The following IQGAP2 variants were observed in gnomAD, a reference collection of about 807,000 sequenced individuals.
The protein encoded by IQGAP2 is ras GTPase-activating-like protein IQGAP2.
In IQGAP2, 173 loss-of-function variants were observed where a neutral mutation model predicts 201.3. The ratio of observed to expected loss-of-function variants is 0.86; its 90% CI spans 0.76 to 0.98. The LOEUF (loss-of-function observed/expected upper bound fraction) is 0.98, where lower values mean the gene tolerates loss of function less well. IQGAP2 is among the 50% of genes least tolerant of loss of function. The pLI is 0.00. For missense variants in IQGAP2, 1,687 were observed against 1,864.8 expected (o/e 0.90, Z 1.76); for synonymous variants, 675 against 673.9 (o/e 1.00, Z -0.03).
At chr5:76,534,858 A>G (rs1759525735) in intron 2 of IQGAP2, among the ~76,000 whole-genome samples, 1 of 152,230 alleles carries the variant, frequency 6.6e-6, no homozygotes, top group Non-Finnish European at 1.5e-5. Flanking sequence ...GAGTCTTTTA[A>G]ACCCTCTTGT....
chr5:76,637,054 C>T lies in IQGAP2; in HGVS notation c.1801C>T (p.Leu601Phe), dbSNP rs775492069. 3.7e-6 allele frequency: 6 copies of T among 1,609,140 alleles called. No homozygotes were observed. In the East Asian group the frequency reaches 1.3e-4, roughly 36 times the overall value. ...SERVSSDGSWLKLNLHKKYDY... is the reference protein window; with the variant it reads ...SERVSSDGSWFKLNLHKKYDY... ...TTTAGTGTCTAGTGACGGTTCATGG[C>T]TCAAACTCAACCTGCACAAAAAATA... The change falls in exon 16 of 36, where the codon CTC (leucine) becomes TTC (phenylalanine). Residue 601 changes from leucine to phenylalanine, a missense_variant. Leu to Phe is a conservative substitution (Grantham distance 22). Transcript: ENST00000274364.
In IQGAP2 at chr5:76,611,100, A is replaced by G. The variant is rs1561507704; in HGVS notation, c.1438A>G (p.Thr480Ala). The G allele has an allele frequency of 4.3e-6, 7 of 1,613,930 alleles. No individual in the cohort carries two copies. In the South Asian group the frequency reaches 6.6e-5, roughly 15 times the overall value. Residue 480 changes from threonine (T) to alanine (A), a missense_variant, in exon 13 of 36, where the codon ACT becomes GCT. By Grantham distance (58) the Thr-to-Ala change is moderately conservative (BLOSUM62 0). Coordinates refer to ENST00000274364, the MANE Select transcript of IQGAP2 (RefSeq NM_006633.5). ...GACTTTAGAAACTTTGCTCCTACCT[A>G]CTGCGAATATTAGTGATGTGGACCC... ...LRTLETLLLPTANISDVDPAH... is the reference protein window; with the variant it reads ...LRTLETLLLPAANISDVDPAH...
intron 12 of IQGAP2, chr5:76,606,947 A>G (rs1747852173): frequency 1.3e-5 from 2 of 152,310 alleles, no homozygotes; most frequent in African/African-American, 2.4e-5. Context: ...TGCATTACCA[A>G]ATTCAAGCTT....
At chr5:76,557,752 T>A (rs1447256036) in intron 2 of IQGAP2, among the ~76,000 whole-genome samples, 1 of 152,222 alleles carries the variant, frequency 6.6e-6, no homozygotes, top group Non-Finnish European at 1.5e-5. Flanking sequence ...ATGGCTATAT[T>A]TTAAATAGGT....
At chr5:76,431,296 ATTAAAT>A (rs1368507818) in intron 1 of IQGAP2, among the ~76,000 whole-genome samples, 6 of 152,070 alleles carry the variant, frequency 3.9e-5, no homozygotes, top group African/African-American at 1.4e-4. Context: ...TTTAAAATAC[ATTAAAT>A]TTAATTTATA....
At chr5:76,503,674 C>T (rs1757426889) in intron 2 of IQGAP2, among the ~76,000 whole-genome samples, 1 of 152,036 alleles carries the variant, frequency 6.6e-6, no homozygotes, top group Non-Finnish European at 1.5e-5. Flanking sequence ...TCACTGCAAT[C>T]TCCGCCTCTT....
At chr5:76,697,139 T>C (rs771364996) in intron 32 of IQGAP2, among the ~76,000 whole-genome samples, 3 of 152,236 alleles carry the variant, frequency 2.0e-5, no homozygotes, top group Non-Finnish European at 4.4e-5. Context: ...CTTATGCAAC[T>C]TAATGTTCTA....
At chr5:76,625,875 A>G (rs1750175672) in intron 13 of IQGAP2, among the ~76,000 whole-genome samples, 1 of 152,222 alleles carries the variant, frequency 6.6e-6, no homozygotes, top group Non-Finnish European at 1.5e-5. Flanking sequence ...CACATAGGTA[A>G]AATGTTCCCA....
chr5:76,543,810 G>A (rs1742930037), intron 2 of IQGAP2, among the ~76,000 whole-genome samples: 1 of 152,136 alleles, frequency 6.6e-6, no homozygotes, highest in African/African-American at 2.4e-5. Context: ...GATGGGACGA[G>A]GTTTTTTGTT....
At chr5:76,458,574 C>T (rs1754232874) in intron 1 of IQGAP2, among the ~76,000 whole-genome samples, 1 of 152,084 alleles carries the variant, frequency 6.6e-6, no homozygotes, top group South Asian at 2.1e-4. Flanking sequence ...AAGGTGAGGC[C>T]AAAGTGTGTG....
At chr5:76,475,550 G>A (rs1192306575) in intron 2 of IQGAP2, among the ~76,000 whole-genome samples, 2 of 152,180 alleles carry the variant, frequency 1.3e-5, no homozygotes, top group African/African-American at 4.8e-5. Context: ...CCAGGGGAAA[G>A]AATTGTTTTT....
At chr5:76,619,885 A>G (rs1749464748) in intron 13 of IQGAP2, among the ~76,000 whole-genome samples, 1 of 152,116 alleles carries the variant, frequency 6.6e-6, no homozygotes, top group Non-Finnish European at 1.5e-5. Context: ...ATAACAGTCC[A>G]TATAAGGGGA....
intron 15 of IQGAP2, among the ~76,000 whole-genome samples, chr5:76,633,965 C>T (rs1750914177): frequency 6.6e-6 from 1 of 152,036 alleles, no homozygotes; most frequent in South Asian, 2.1e-4. Context: ...CTCCCCCCAA[C>T]TTTTGGCTAT....
Position 76,671,866 on chromosome 5 carries a change from T to A in IQGAP2, c.2951T>A (p.Leu984His), listed in dbSNP as rs759320505. ...CGGGGACAGAACACCCTGCGCCAAC[T>A]CCTGGCTCCAGTGGTAAAAGAGATC... ...GARGQNTLRQ[L>H]LAPVVKEIID... The change falls in exon 24 of 36, where the codon CTC becomes CAC. Residue 984 changes from leucine to histidine, a missense_variant. By Grantham distance (99) the Leu-to-His change is moderately conservative. Transcript: ENST00000274364. The A allele has an allele frequency of 8.1e-6, 13 of 1,613,914 alleles. No individual in the cohort carries two copies. The Admixed American group carries it at 2.2e-4, about 27-fold the overall frequency.
At chr5:76,666,979 C>T (rs1040423795) in intron 22 of IQGAP2, among the ~76,000 whole-genome samples, 54 of 152,270 alleles carry the variant, frequency 3.5e-4, no homozygotes, top group African/African-American at 1.3e-3. Flanking sequence ...CACCTGAGCT[C>T]AAGTGATCCA....
chr5:76,432,413 C>T (rs1224192610), intron 1 of IQGAP2, among the ~76,000 whole-genome samples: 1 of 152,076 alleles, frequency 6.6e-6, no homozygotes, highest in Non-Finnish European at 1.5e-5. Flanking sequence ...GCATGAGCCA[C>T]CATGCTCAGC....
At chr5:76,641,213 GCAT>G in intron 17 of IQGAP2, 110 bp downstream of exon 17, 1 of 829,326 alleles carries the variant, frequency 1.2e-6, no homozygotes, top group Non-Finnish European at 1.8e-6. Flanking sequence ...AAATCTGACT[GCAT>G]ATTTTTACAT....
chr5:76,415,917 C>A (rs961272918), intron 1 of IQGAP2, among the ~76,000 whole-genome samples: 10 of 149,020 alleles, frequency 6.7e-5, no homozygotes, highest in Non-Finnish European at 1.5e-4. Context: ...TGCACTCCAG[C>A]CTGGGCAACA....
intron 1 of IQGAP2, among the ~76,000 whole-genome samples, chr5:76,435,146 C>T (rs948941488): frequency 3.3e-5 from 5 of 151,278 alleles, no homozygotes; most frequent in East Asian, 3.9e-4. Context: ...TTCTCCCATT[C>T]TGTGGGTTAT....
Sources: gnomAD v4.1 joint callset for allele counts (sites outside exome capture counted in the v4.1 genomes callset) on GRCh38, gnomAD v4.1.1 for gene constraint, MANE v1.5 for transcripts, NCBI Gene and HGNC (gene_info 2026-07-23, HGNC 2026-07-21) for gene names.